CAP2: variants seen among roughly 807,000 people sequenced by gnomAD.
CAP2 encodes cyclase associated actin cytoskeleton regulatory protein 2, also known as adenylyl cyclase-associated protein 2.
In CAP2, 24 loss-of-function variants were observed where a neutral mutation model predicts 57.7. The observed-to-expected ratio is 0.42, with a 90% CI of 0.30 to 0.58. The LOEUF (loss-of-function observed/expected upper bound fraction) is 0.58. CAP2 is among the 20% of genes least tolerant of loss of function. CAP2 has a pLI of 0.22. For synonymous variants in CAP2, 194 were observed against 207.2 expected (o/e 0.94, Z 0.55); for missense variants, 501 against 590.3 (o/e 0.85, Z 1.57).
intron 3 of CAP2, among the ~76,000 whole-genome samples, chr6:17,432,939 TCCTCCCTC>T (rs200882241): frequency 7.4e-5 from 11 of 148,238 alleles, no homozygotes; most frequent in African/African-American, 2.3e-4. Flanking sequence ...CCCTTCTTTT[TCCTCCCTC>T]CCTCCCTCCC....
intron 3 of CAP2, among the ~76,000 whole-genome samples, chr6:17,442,421 T>C (rs2113564965): frequency 6.6e-6 from 1 of 152,296 alleles, no homozygotes; most frequent in African/African-American, 2.4e-5. Context: ...ACAGACAACA[T>C]GTGCAGGGGT....
chr6:17,474,188 T>G (rs1033282804), intron 4 of CAP2, among the ~76,000 whole-genome samples: 1,686 of 39,186 alleles, frequency 0.043, 25 homozygotes, highest in African/African-American at 0.14. Context: ...AAACAGTCTT[T>G]TTTTTTTTTT....
intron 1 of CAP2, among the ~76,000 whole-genome samples, chr6:17,419,182 T>G (rs181691606): frequency 1.3e-5 from 2 of 152,364 alleles, no homozygotes; most frequent in East Asian, 3.9e-4. Flanking sequence ...ACGTCATCAC[T>G]GTGTTTAAGC....
chr6:17,521,589 CAA>C (rs1307250791), intron 7 of CAP2, among the ~76,000 whole-genome samples: 1 of 152,116 alleles, frequency 6.6e-6, no homozygotes, highest in African/African-American at 2.4e-5. Flanking sequence ...GCTAAGAATA[CAA>C]AGATGGGTAG....
chr6:17,539,465 G>C lies in CAP2; in HGVS notation c.826+7G>C. 6.2e-7 allele frequency: 1 copy of C among 1,609,654 alleles called. No individual in the cohort carries two copies. On this transcript the variant is annotated splice_region_variant and intron_variant, in intron 8 of 12. Transcript: ENST00000229922. ...GGAGAAGCAATTACAAAAGGTGAGA[G>C]AGAAAAGAAGACCTTGAAGCTGCCT...
chr6:17,453,160 A>G (rs1760460199), intron 3 of CAP2, among the ~76,000 whole-genome samples: 1 of 152,160 alleles, frequency 6.6e-6, no homozygotes, highest in Admixed American at 6.5e-5. Flanking sequence ...GTGGCAGGCA[A>G]TGGGCAGGGT....
chr6:17,535,306 CT>C lies in CAP2; in HGVS notation c.637-3962del, dbSNP rs576317124. The stretch of plus-strand genomic sequence containing the variant: ...TTTTTTTTTTTGAGATGGAATCTCA[CT>C]CTTGTCACCCAGGCTGGAGTGCAGT... On this transcript the variant is annotated intron_variant, in intron 7 of 12. Transcript: ENST00000229922. Among the ~76,000 whole-genome samples, 978 of 148,344 alleles carry C rather than the reference CT, an allele frequency of 6.6e-3. 6 individuals are homozygous for C. The highest frequency in any genetic ancestry group is 0.011 in the Non-Finnish European group (765 of 67,460).
Position 17,539,435 on chromosome 6 carries a change from A to T in CAP2, c.803A>T (p.Asn268Ile). 2.5e-6 allele frequency: 4 copies of T among 1,614,034 alleles called. No individual in the cohort carries two copies. Among genetic ancestry groups the T allele is most frequent in the Non-Finnish European group, 3.4e-6 (4 of 1,179,926 alleles). ...CGCTCAGCTTTATTTGCCCAACTTA[A>T]CCAGGGAGAAGCAATTACAAAAGGT... ...PSRSALFAQL[N>I]QGEAITKGLR... Residue 268 changes from asparagine to isoleucine, a missense_variant, in exon 8 of 13, where the codon AAC becomes ATC. Coordinates refer to ENST00000229922, the MANE Select transcript of CAP2 (RefSeq NM_006366.3).
At chr6:17,420,118 C>T (rs1375176589) in intron 1 of CAP2, among the ~76,000 whole-genome samples, 2 of 152,160 alleles carry the variant, frequency 1.3e-5, no homozygotes, top group Non-Finnish European at 2.9e-5. Flanking sequence ...GATCCGCCTG[C>T]CTCAGCCTCC....
At chr6:17,398,440 A>C (rs1024420525) in intron 1 of CAP2, among the ~76,000 whole-genome samples, 1 of 152,194 alleles carries the variant, frequency 6.6e-6, no homozygotes, top group Non-Finnish European at 1.5e-5. Flanking sequence ...GAAGGAGGAA[A>C]GCACCTTAAA....
At chr6:17,556,300 C>G in intron 12 of CAP2, 59 bp from the exon 13 acceptor site, 2 of 1,226,438 alleles carry the variant, frequency 1.6e-6, no homozygotes, top group Admixed American at 1.7e-5. Context: ...AAAAGGAAGC[C>G]TTAGTTTAAA....
chr6:17,518,258 T>C (rs947360723), intron 7 of CAP2, among the ~76,000 whole-genome samples: 1 of 152,244 alleles, frequency 6.6e-6, no homozygotes, highest in East Asian at 1.9e-4. Flanking sequence ...ATAACAATTA[T>C]ATTTTTGAAT....
chr6:17,459,724 G>A (rs796555060), intron 3 of CAP2, among the ~76,000 whole-genome samples: 15 of 151,624 alleles, frequency 9.9e-5, no homozygotes, highest in African/African-American at 3.7e-4. Context: ...ATGCAAAAAA[G>A]ATATGTAAAT....
At chr6:17,520,175 G>A (rs1407769261) in intron 7 of CAP2, among the ~76,000 whole-genome samples, 1 of 152,064 alleles carries the variant, frequency 6.6e-6, no homozygotes, top group East Asian at 1.9e-4. Flanking sequence ...TGGCACGATT[G>A]CAGCTCACTG....
chr6:17,440,877 G>A lies in CAP2; in HGVS notation c.222+14187G>A, dbSNP rs574424751. On this transcript the variant is annotated intron_variant, in intron 3 of 12. Transcript: ENST00000229922. ...GATGTTCCCCGCCCTGTGTCCAAGT[G>A]TTCTCTTTGTTCAGTTCCCACCTAT... Among the ~76,000 whole-genome samples, 4 of 151,084 alleles carry A rather than the reference G, an allele frequency of 2.6e-5. 1 individual carries two copies. The East Asian group carries it at 7.8e-4, about 29-fold the overall frequency.
At chr6:17,544,279 A>T (rs1373893250) in intron 11 of CAP2, among the ~76,000 whole-genome samples, 1 of 152,076 alleles carries the variant, frequency 6.6e-6, no homozygotes, top group African/African-American at 2.4e-5. Context: ...GTACTGTGAG[A>T]CTCTCCTAGT....
intron 3 of CAP2, among the ~76,000 whole-genome samples, chr6:17,443,180 A>T (rs908498632): frequency 6.6e-6 from 1 of 152,124 alleles, no homozygotes; most frequent in East Asian, 1.9e-4. Context: ...TTAGCCCAGG[A>T]GTTCTAGGCT....
At chr6:17,534,530 C>G (rs6938619) in intron 7 of CAP2, among the ~76,000 whole-genome samples, 112,318 of 152,112 alleles carry the variant, frequency 0.74, 41,654 homozygotes, top group African/African-American at 0.78. Flanking sequence ...GCACCGCCTA[C>G]ACAAGGTTTG....
At chr6:17,455,434 A>T (rs1034140967) in intron 3 of CAP2, among the ~76,000 whole-genome samples, 1 of 152,114 alleles carries the variant, frequency 6.6e-6, no homozygotes, top group Non-Finnish European at 1.5e-5. Context: ...GAATGCTAAC[A>T]TGTAGAACCC....
Sources: gnomAD v4.1 joint callset for allele counts (sites outside exome capture counted in the v4.1 genomes callset) on GRCh38, gnomAD v4.1.1 for gene constraint, MANE v1.5 for transcripts, NCBI Gene and HGNC (gene_info 2026-07-23, HGNC 2026-07-21) for gene names.